Variants in TRPC5 observed in about 807,000 individuals in gnomAD.
TRPC5 encodes the protein short transient receptor potential channel 5.
Under a neutral mutation model 56.5 loss-of-function variants are expected in TRPC5, and 9 were observed. The ratio of observed to expected loss-of-function variants is 0.16; its 90% confidence interval spans 0.10 to 0.28. TRPC5 has a LOEUF of 0.28. Among genes scored for constraint, TRPC5 ranks in the 10% least tolerant of loss-of-function variants. The probability of loss-of-function intolerance (pLI) is 1.00; values close to 1 mark genes in which losing one functional copy is unlikely to be tolerated. For synonymous variants in TRPC5, 282 were observed against 278.5 expected, an observed-to-expected ratio of 1.01 and a Z score of -0.13; for missense variants, 469 against 748.9, an observed-to-expected ratio of 0.63 and a Z score of 4.36.
chrX:111,884,646 G>C (rs1924386141), intron 3 of TRPC5, among the ~76,000 whole-genome samples: 1 of 112,837 alleles, frequency 8.9e-6, no homozygotes, highest in Non-Finnish European at 1.9e-5. Context: ...AGTTAAAGTA[G>C]AGCAAAGACC....
chrX:111,963,551 A>T (rs1296811386), intron 1 of TRPC5, among the ~76,000 whole-genome samples: 1 of 111,942 alleles, frequency 8.9e-6, no homozygotes, highest in Non-Finnish European at 1.9e-5. Flanking sequence ...GACACCTGAC[A>T]AGCCTAACTG....
At chrX:112,062,400 G>A (rs985866329) in intron 1 of TRPC5, among the ~76,000 whole-genome samples, 4 of 110,988 alleles carry the variant, frequency 3.6e-5, no homozygotes, top group African/African-American at 6.6e-5. Context: ...GAATCACTAC[G>A]AAGGGCCAAT....
intron 2 of TRPC5, among the ~76,000 whole-genome samples, chrX:111,935,690 A>T: frequency 8.9e-6 from 1 of 111,979 alleles, no homozygotes; most frequent in East Asian, 2.8e-4. Flanking sequence ...CTGCATGTGG[A>T]TATCCAGTTA....
intron 1 of TRPC5, among the ~76,000 whole-genome samples, chrX:111,955,740 A>C (rs1927217991): frequency 8.9e-6 from 1 of 111,813 alleles, no homozygotes; most frequent in African/African-American, 3.3e-5. Context: ...CTCTGCCATT[A>C]TTCTGAGAAT....
chrX:111,793,517 T>C (rs1280357606), intron 7 of TRPC5, among the ~76,000 whole-genome samples: 1 of 111,514 alleles, frequency 9.0e-6, no homozygotes, highest in Non-Finnish European at 1.9e-5. Flanking sequence ...TCATACCCAA[T>C]AGGATGACTA....
At chrX:111,890,621 T>C (rs1924756915) in intron 3 of TRPC5, among the ~76,000 whole-genome samples, 1 of 111,974 alleles carries the variant, frequency 8.9e-6, no homozygotes, top group Non-Finnish European at 1.9e-5. Context: ...ATTCTGCTAG[T>C]GATGTGGAGG....
chrX:111,787,000 A>G (rs1367962079), intron 7 of TRPC5, among the ~76,000 whole-genome samples: 2 of 111,271 alleles, frequency 1.8e-5, no homozygotes, highest in Non-Finnish European at 3.8e-5. Context: ...ATATTAGATC[A>G]ACGAGACAGA....
chrX:111,928,760 G>A (rs1047504986), intron 2 of TRPC5, among the ~76,000 whole-genome samples: 18 of 112,104 alleles, frequency 1.6e-4, no homozygotes, highest in Admixed American at 1.3e-3. Context: ...GCTAGGTGCT[G>A]ATCAAGAATG....
At chrX:111,999,471 G>A (rs1211813054) in intron 1 of TRPC5, among the ~76,000 whole-genome samples, 1 of 111,694 alleles carries the variant, frequency 9.0e-6, no homozygotes, top group Non-Finnish European at 1.9e-5. Flanking sequence ...TGGCTGAAGA[G>A]CATTCCTTTG....
At chrX:112,009,598 CA>C (rs1312823718) in intron 1 of TRPC5, among the ~76,000 whole-genome samples, 1 of 111,679 alleles carries the variant, frequency 9.0e-6, no homozygotes, top group Non-Finnish European at 1.9e-5. Context: ...TTGGATGCCT[CA>C]GAAGAGGGAG....
intron 7 of TRPC5, among the ~76,000 whole-genome samples, chrX:111,789,640 G>T (rs1443783469): frequency 2.7e-5 from 3 of 112,148 alleles, no homozygotes; most frequent in Non-Finnish European, 5.6e-5. Context: ...CCTACAGAAT[G>T]GGAGAAAATT....
chrX:111,984,194 C>A (rs189416905), intron 1 of TRPC5, among the ~76,000 whole-genome samples: 1 of 111,327 alleles, frequency 9.0e-6, no homozygotes, highest in Non-Finnish European at 1.9e-5. Flanking sequence ...TAAGGGCCTG[C>A]GCTGTGATTC....
chrX:111,846,938 A>C (rs1237842540), intron 6 of TRPC5, among the ~76,000 whole-genome samples, 176 bp downstream of exon 6: 3 of 111,602 alleles, frequency 2.7e-5, no homozygotes, highest in Non-Finnish European at 5.6e-5. Flanking sequence ...AGTACCCTGT[A>C]GCAAGAGAAG....
chrX:111,778,968 C>G lies in TRPC5; in HGVS notation c.2232+17G>C, dbSNP rs752914166. On this transcript the variant is annotated intron_variant, in intron 10 of 10. Transcript: ENST00000262839. ...TTATGATATGTAAAATGAAAAACCACTTCATGATTAAATTACCTTAAAATT... is the reference window on the plus strand; with the variant it reads ...TTATGATATGTAAAATGAAAAACCAGTTCATGATTAAATTACCTTAAAATT... 1 of 1,127,997 alleles carries G rather than the reference C, an allele frequency of 8.9e-7. No individual in the cohort carries two copies. Among genetic ancestry groups the G allele is most frequent in the Non-Finnish European group, 1.2e-6 (1 of 827,902 alleles). The allele number at this position is 1,127,997 out of a possible 1,213,427, so 93.0% of individuals were successfully genotyped here.
rs1215860003 is a variant in TRPC5 at position 112,082,312 on chromosome X, G to A, written c.-455C>T. ...AAGAGCTAGGGAAGAAACTGACACG[G>A]GGAAACTGACAGGGGTAGCTGACAC... On this transcript the variant is annotated 5_prime_UTR_variant, in exon 1 of 11. Coordinates refer to ENST00000262839, the MANE Select transcript of TRPC5 (RefSeq NM_012471.3). 1 of 110,883 alleles carries A rather than the reference G, an allele frequency of 9.0e-6. No individual in the cohort carries two copies. The highest frequency in any genetic ancestry group is 1.9e-5 in the Non-Finnish European group (1 of 53,079). 9.1% of individuals were successfully genotyped at this position (110,883 alleles called of 1,213,427 possible).
intron 3 of TRPC5, among the ~76,000 whole-genome samples, chrX:111,869,345 G>A (rs951609901): frequency 2.7e-5 from 3 of 111,621 alleles, no homozygotes; most frequent in Non-Finnish European, 5.6e-5. Context: ...AAGAAGATAT[G>A]TTCTTACCCA....
chrX:111,844,203 A>T (rs184263833), intron 6 of TRPC5, among the ~76,000 whole-genome samples: 15 of 110,638 alleles, frequency 1.4e-4, no homozygotes, highest in Non-Finnish European at 2.5e-4. Context: ...ACAGCCAGGT[A>T]TATTCAGGAG....
chrX:111,996,401 C>G (rs1443060549), intron 1 of TRPC5, among the ~76,000 whole-genome samples: 3 of 111,513 alleles, frequency 2.7e-5, no homozygotes, highest in Non-Finnish European at 5.6e-5. Flanking sequence ...GCTTTACTTT[C>G]AATTATGTGG....
intron 2 of TRPC5, among the ~76,000 whole-genome samples, chrX:111,943,894 G>A (rs1926850776): frequency 3.6e-5 from 4 of 112,209 alleles, no homozygotes; most frequent in Non-Finnish European, 5.6e-5. Context: ...GAGGAGTACC[G>A]TTTGCCAGCT....
Sources: gnomAD v4.1 joint callset for allele counts (sites outside exome capture counted in the v4.1 genomes callset) on GRCh38, gnomAD v4.1.1 for gene constraint, MANE v1.5 for transcripts, NCBI Gene and HGNC (gene_info 2026-07-23, HGNC 2026-07-21) for gene names.